Variants in NLGN1 observed in about 807,000 individuals in gnomAD.
The protein encoded by NLGN1 is neuroligin-1.
In NLGN1, 12 loss-of-function variants were observed where a neutral mutation model predicts 65.5. That is an observed-to-expected ratio of 0.18 (90% confidence interval 0.12 to 0.30). The LOEUF is 0.30. NLGN1 is among the 10% of genes least tolerant of loss of function. The pLI, the probability that NLGN1 is intolerant of heterozygous loss-of-function variation, is 1.00. For synonymous variants in NLGN1, 350 were observed against 359.5 expected, an observed-to-expected ratio of 0.97 and a Z score of 0.30; for missense variants, 750 against 1,007.1, an observed-to-expected ratio of 0.74 and a Z score of 3.46.
At chr3:173,664,864 A>G (rs1761479165) in intron 3 of NLGN1, among the ~76,000 whole-genome samples, 1 of 152,066 alleles carries the variant, frequency 6.6e-6, no homozygotes, top group Non-Finnish European at 1.5e-5. Flanking sequence ...ATTATTTATT[A>G]TTATTTTATA....
At chr3:174,061,540 G>A (rs1361085477) in intron 4 of NLGN1, among the ~76,000 whole-genome samples, 1 of 152,064 alleles carries the variant, frequency 6.6e-6, no homozygotes, top group African/African-American at 2.4e-5. Flanking sequence ...ATAATTGGCT[G>A]AGAAGAACTT....
At chr3:173,800,682 C>T (rs1715278752) in intron 3 of NLGN1, among the ~76,000 whole-genome samples, 1 of 151,406 alleles carries the variant, frequency 6.6e-6, no homozygotes, top group African/African-American at 2.4e-5. Flanking sequence ...ACAATCTCTC[C>T]CTTGTAGTCT....
chr3:173,655,398 ATT>A (rs1759843608), intron 3 of NLGN1, among the ~76,000 whole-genome samples: 1 of 152,084 alleles, frequency 6.6e-6, no homozygotes, highest in Non-Finnish European at 1.5e-5. Context: ...TTATGTACAC[ATT>A]TTAGTACAGA....
chr3:173,701,691 C>T (rs549233290), intron 3 of NLGN1, among the ~76,000 whole-genome samples: 2 of 152,298 alleles, frequency 1.3e-5, no homozygotes, highest in South Asian at 4.1e-4. Context: ...TGAATTAGAA[C>T]AGAGTGATTC....
intron 4 of NLGN1, among the ~76,000 whole-genome samples, chr3:174,086,286 T>C (rs202054814): frequency 0.35 from 5,668 of 16,260 alleles, 67 homozygotes; most frequent in Admixed American, 0.39. Flanking sequence ...TGTGCATAAA[T>C]ATATATATAT....
chr3:173,574,944 G>A (rs1425251156), intron 2 of NLGN1, among the ~76,000 whole-genome samples: 5 of 152,176 alleles, frequency 3.3e-5, no homozygotes, highest in African/African-American at 1.2e-4. Flanking sequence ...GAGTGCAGTG[G>A]CACAATCATG....
chr3:173,647,336 A>G (rs1758431973), intron 3 of NLGN1, among the ~76,000 whole-genome samples: 1 of 152,140 alleles, frequency 6.6e-6, no homozygotes, highest in Non-Finnish European at 1.5e-5. Flanking sequence ...ACTAATAACC[A>G]ATTTGACATA....
chr3:173,440,236 T>A (rs1718927041), intron 2 of NLGN1, among the ~76,000 whole-genome samples: 1 of 151,522 alleles, frequency 6.6e-6, no homozygotes, highest in Non-Finnish European at 1.5e-5. Flanking sequence ...TTTTTTGCTA[T>A]TTTTTTTAAC....
At chr3:173,632,012 A>G (rs904208338) in intron 3 of NLGN1, among the ~76,000 whole-genome samples, 1 of 152,064 alleles carries the variant, frequency 6.6e-6, no homozygotes, top group African/African-American at 2.4e-5. Flanking sequence ...AATTGTATTT[A>G]TAATAGAAAT....
rs563361149 is a variant in NLGN1 at position 173,585,001 on chromosome 3, A to AG, written c.-320-19273dup. The AG allele has an allele frequency of 8.5e-5, 13 of 152,140 alleles. No homozygotes were observed. In the East Asian group the frequency reaches 2.3e-3, roughly 27 times the overall value. The allele number at this position is 152,140 out of a possible 1,614,324, so 9.4% of individuals were successfully genotyped here. On this transcript the variant is annotated intron_variant, in intron 2 of 6. Transcript: ENST00000457714. ...ATTGCAAAGGGACCGGGGAAAGATG[A>AG]GGGGGCTCCCTCTGTGGATTTATCT...
intron 2 of NLGN1, among the ~76,000 whole-genome samples, chr3:173,464,749 T>C (rs1724038125): frequency 6.6e-6 from 1 of 152,216 alleles, no homozygotes; most frequent in Admixed American, 6.5e-5. Context: ...TCAGTTACAA[T>C]TCTATATGCA....
intron 3 of NLGN1, among the ~76,000 whole-genome samples, chr3:173,697,539 T>A (rs1186579344): frequency 6.6e-6 from 1 of 152,158 alleles, no homozygotes; most frequent in Non-Finnish European, 1.5e-5. Flanking sequence ...GATTTTCTTT[T>A]TTTTTTAGAC....
At chr3:174,278,337 C>T (rs538121529) in intron 5 of NLGN1, among the ~76,000 whole-genome samples, 19 of 152,054 alleles carry the variant, frequency 1.2e-4, no homozygotes, top group African/African-American at 4.1e-4. Flanking sequence ...AGGGTATAAA[C>T]AAACAGCCAG....
At chr3:173,612,690 T>G (rs924063360) in intron 3 of NLGN1, among the ~76,000 whole-genome samples, 14 of 152,066 alleles carry the variant, frequency 9.2e-5, no homozygotes, top group African/African-American at 3.4e-4. Context: ...AAAGCCTATT[T>G]ACAAATAAGG....
intron 2 of NLGN1, among the ~76,000 whole-genome samples, chr3:173,469,357 C>A (rs1316936698): frequency 6.6e-6 from 1 of 152,028 alleles, no homozygotes; most frequent in East Asian, 1.9e-4. Context: ...CAATACCTCC[C>A]AGATTGTTAA....
At chr3:174,022,359 A>G (rs1036114608) in intron 4 of NLGN1, among the ~76,000 whole-genome samples, 1 of 152,112 alleles carries the variant, frequency 6.6e-6, no homozygotes, top group Admixed American at 6.6e-5. Context: ...GCCTCTTGGT[A>G]ATGAAGTTCC....
rs538058723 is a variant in NLGN1, at chr3:174,234,884, CCT to C, written c.647-40428_647-40427del. Reference sequence around the variant, plus strand: ...TCTATTTTAAAATATATAAGAAAATCCTCTTTTTCCAACATTTTATTTTGAAT... The same window carrying C: ...TCTATTTTAAAATATATAAGAAAATCCTTTTTCCAACATTTTATTTTGAAT... On this transcript the variant is annotated intron_variant, in intron 4 of 6. Transcript: ENST00000457714. Among the ~76,000 whole-genome samples, 432 of 151,458 alleles carry C rather than the reference CCT, an allele frequency of 2.9e-3. 8 individuals carry two copies. Among genetic ancestry groups the C allele is most frequent in the African/African-American group, 9.4e-3 (386 of 41,238 alleles).
At chr3:173,542,772 T>A (rs1048755244) in intron 2 of NLGN1, among the ~76,000 whole-genome samples, 4 of 152,116 alleles carry the variant, frequency 2.6e-5, no homozygotes, top group Non-Finnish European at 5.9e-5. Flanking sequence ...CAGTTGTCTT[T>A]TATATTTAAA....
At chr3:173,957,483 T>TC (rs1480549397) in intron 4 of NLGN1, among the ~76,000 whole-genome samples, 2 of 152,172 alleles carry the variant, frequency 1.3e-5, no homozygotes, top group African/African-American at 2.4e-5. Context: ...AAGCTAGTTT[T>TC]CCCCCAATAT....
Sources: allele counts gnomAD v4.1 joint callset (sites outside exome capture counted in the v4.1 genomes callset), GRCh38; gene constraint gnomAD v4.1.1; transcripts MANE v1.5; gene names NCBI Gene and HGNC (gene_info 2026-07-23, HGNC 2026-07-21).